Variants in DOC2B observed in about 807,000 individuals in gnomAD.
The protein encoded by DOC2B is double C2-like domain-containing protein beta.
In DOC2B, 21 loss-of-function variants were observed where a neutral mutation model predicts 28.9. That is an observed-to-expected ratio of 0.73 (90% CI 0.52 to 1.05). The LOEUF is 1.05. Ranked by LOEUF, DOC2B falls within the 50% of genes least tolerant of loss-of-function variation. The pLI is 0.00. For synonymous variants in DOC2B, 194 were observed against 178.1 expected (o/e 1.09, Z -0.71); for missense variants, 384 against 421.1 (o/e 0.91, Z 0.77).
rs138265386 is a variant in DOC2B, at chr17:165,241, G to A, written c.454-1037C>T. 5.1e-3 allele frequency among the ~76,000 whole-genome samples: 777 copies of A among 152,206 alleles called. 1 individual carries two copies. The highest frequency in any genetic ancestry group is 0.024 in the Middle Eastern group (7 of 294). ...TTAAAGGGGTTGGCCGGGCACGGTG[G>A]CTCACGCCTGTAATCCCAGCGCTTG... On this transcript the variant is annotated intron_variant, in intron 2 of 8. Transcript: ENST00000613549.
chr17:149,280 C>A, intron 6 of DOC2B, 88 bp from the exon 7 acceptor site: 1 of 398,608 alleles, frequency 2.5e-6, no homozygotes, highest in Non-Finnish European at 4.4e-6. Context: ...AGCTTTCTGT[C>A]CCTGGAGAGA....
At chr17:180,090 G>A (rs1299921282) in intron 1 of DOC2B, among the ~76,000 whole-genome samples, 1 of 152,262 alleles carries the variant, frequency 6.6e-6, no homozygotes, top group African/African-American at 2.4e-5. Flanking sequence ...CCTGGAGAAG[G>A]GCCACATCCC....
In DOC2B at chr17:181,016, A is replaced by C. The variant is rs1292248817; in HGVS notation, c.373+91T>G. On this transcript the variant is annotated intron_variant, in intron 1 of 8. Transcript: ENST00000613549. The surrounding 1 kb of genome is among the most constrained non-coding windows in gnomAD (Gnocchi z 7.0). Reference sequence around the variant, plus strand: ...AACCGAGGCAGAGCGCGAGCGCGCGAGGGGGACCGGCGGAGGGAAGCCGCG... The same window carrying C: ...AACCGAGGCAGAGCGCGAGCGCGCGCGGGGGACCGGCGGAGGGAAGCCGCG... The C allele has an allele frequency of 4.3e-5, 46 of 1,080,132 alleles. No homozygotes were observed. The highest frequency in any genetic ancestry group is 5.4e-5 in the Non-Finnish European group (46 of 857,286). The allele number at this position is 1,080,132 out of a possible 1,614,324, so 66.9% of individuals were successfully genotyped here. A position where few individuals can be genotyped will look rare whatever the true frequency, so the allele number is the denominator to read the frequency against.
intron 2 of DOC2B, among the ~76,000 whole-genome samples, chr17:170,218 G>T (rs1398155996): frequency 6.6e-6 from 1 of 152,196 alleles, no homozygotes; most frequent in South Asian, 2.1e-4. Context: ...TGCTCCTAGG[G>T]GTGGGCTGGA....
chr17:175,510 T>C lies in DOC2B; in HGVS notation c.374-2894A>G, dbSNP rs556043216. Among the ~76,000 whole-genome samples the C allele has an allele frequency of 1.9e-3, 283 of 152,366 alleles. 2 individuals carry two copies. Among genetic ancestry groups the C allele is most frequent in the African/African-American group, 6.2e-3 (257 of 41,596 alleles). ...TACATGATAGTAAATGGATCTGCTG[T>C]TCAGGTCAGGCCTACCTGGGGTTTG... is the stretch of plus-strand genomic sequence containing the variant. On this transcript the variant is annotated intron_variant, in intron 1 of 8. Transcript: ENST00000613549.
intron 3 of DOC2B, 141 bp from the exon 4 acceptor site, chr17:162,331 C>A: frequency 1.5e-6 from 1 of 679,336 alleles, no homozygotes; most frequent in South Asian, 1.7e-5. Flanking sequence ...TGCAGGTGGA[C>A]TTAGGGTTGG....
At position 152,647 on chromosome 17, in the gene DOC2B, C is replaced by G. The variant is rs376976645; in HGVS notation, c.924-3455G>C. On this transcript the variant is annotated intron_variant, in intron 6 of 8. Coordinates refer to ENST00000613549, the MANE Select transcript of DOC2B (RefSeq NM_003585.5). ...ACTAGCCAGGCGTGGTGGTGCACAC[C>G]TGTAGTCCCAGCTACTCAGGAGGCT... 9.9e-5 allele frequency among the ~76,000 whole-genome samples: 15 copies of G among 152,250 alleles called. No homozygotes were observed. In the East Asian group the frequency reaches 1.7e-3, roughly 18 times the overall value.
intron 2 of DOC2B, among the ~76,000 whole-genome samples, chr17:166,422 G>C (rs2040265401): frequency 6.6e-6 from 1 of 152,222 alleles, no homozygotes; most frequent in African/African-American, 2.4e-5. Context: ...CCCCAGCTTG[G>C]GAGTTGGCAA....
chr17:148,332 A>T (rs926579400), intron 7 of DOC2B, 63 bp from the exon 8 acceptor site: 293 of 398,458 alleles, frequency 7.4e-4, no homozygotes, highest in African/African-American at 5.6e-3. Context: ...GGGGGCCAGG[A>T]GGGGTATGAG....
intron 1 of DOC2B, among the ~76,000 whole-genome samples, chr17:177,270 C>G (rs1449383500): frequency 1.3e-5 from 2 of 152,120 alleles, no homozygotes; most frequent in Non-Finnish European, 2.9e-5. Context: ...CTTCATTCAT[C>G]TGCTTTAAAT....
intron 2 of DOC2B, among the ~76,000 whole-genome samples, chr17:172,305 TTCTCA>T (rs1341514541): frequency 6.6e-6 from 1 of 151,546 alleles, no homozygotes; most frequent in Non-Finnish European, 1.5e-5. Flanking sequence ...CATCTTCCCA[TTCTCA>T]TCTGTTTCTT....
chr17:175,019 C>T (rs753002034), intron 1 of DOC2B, among the ~76,000 whole-genome samples: 11 of 152,216 alleles, frequency 7.2e-5, no homozygotes, highest in Non-Finnish European at 1.6e-4. Context: ...ACGGGTGGAT[C>T]ACTTGAGCCC....
Position 181,257 on chromosome 17 carries a change from C to G in DOC2B, c.223G>C (p.Gly75Arg). The G allele has an allele frequency of 2.5e-6, 3 of 1,210,782 alleles. No homozygotes were observed. The highest frequency in any genetic ancestry group is 3.1e-6 in the Non-Finnish European group (3 of 974,756). 75.0% of individuals were successfully genotyped at this position (1,210,782 alleles called of 1,614,324 possible). A position where few individuals can be genotyped will look rare whatever the true frequency, so the allele number is the denominator to read the frequency against. Residue 75 changes from glycine to arginine, a missense_variant, in exon 1 of 9, where the codon GGC (glycine) becomes CGC (arginine). Gly to Arg is a moderately radical substitution (Grantham distance 125). Coordinates refer to ENST00000613549, the MANE Select transcript of DOC2B (RefSeq NM_003585.5). This position sits in a 1 kb window ranked among gnomAD's most constrained non-coding sequence, Gnocchi z 7.0. ...ACATCCTCGTCGTCCTCGCGGGCGC[C>G]GTCGGAGGGGCTGCGGCGGCCGGCA... ...AGAGRRSPSD[G>R]AREDDEDVDQ...
intron 2 of DOC2B, among the ~76,000 whole-genome samples, chr17:164,774 C>T (rs1555523696): frequency 6.6e-6 from 1 of 152,230 alleles, no homozygotes; most frequent in African/African-American, 2.4e-5. Context: ...CACGCGTGCA[C>T]AGCCAGAGGC....
chr17:149,440 C>T (rs989025147), intron 6 of DOC2B, among the ~76,000 whole-genome samples: 5 of 152,188 alleles, frequency 3.3e-5, no homozygotes, highest in Non-Finnish European at 7.3e-5. Flanking sequence ...CCCTGGGGGG[C>T]GCCCTCCATC....
At chr17:161,711 G>A (rs1467890272) in intron 4 of DOC2B, among the ~76,000 whole-genome samples, 170 bp from the exon 5 acceptor site, 4 of 152,210 alleles carry the variant, frequency 2.6e-5, no homozygotes, top group Admixed American at 2.0e-4. Flanking sequence ...AGTGTGGCAC[G>A]ATATCAGGCA....
chr17:157,775 T>C (rs2040152519), intron 5 of DOC2B, among the ~76,000 whole-genome samples: 1 of 152,190 alleles, frequency 6.6e-6, no homozygotes. Flanking sequence ...ACCTCAGGGC[T>C]GGGCAAGGCC....
At chr17:149,515 C>G (rs1425794552) in intron 6 of DOC2B, among the ~76,000 whole-genome samples, 2 of 152,252 alleles carry the variant, frequency 1.3e-5, no homozygotes, top group African/African-American at 4.8e-5. Context: ...ACATTTCCCA[C>G]CAGAACAGAG....
rs1283436032 is a variant in DOC2B at position 181,129 on chromosome 17, G to A, written c.351C>T (p.Asp117=). 2 of 1,253,226 alleles carry A rather than the reference G, an allele frequency of 1.6e-6. No homozygotes were observed. The highest frequency in any genetic ancestry group is 2.9e-5 in the South Asian group (1 of 33,948). 77.6% of individuals were successfully genotyped at this position (1,253,226 alleles called of 1,614,324 possible). Residue 117 remains aspartate, a synonymous_variant, in exon 1 of 9, where the codon GAC becomes GAT. Coordinates refer to ENST00000613549, the MANE Select transcript of DOC2B (RefSeq NM_003585.5). The surrounding 1 kb of genome is among the most constrained non-coding windows in gnomAD (Gnocchi z 7.0). The part of the protein sequence containing the change: ...AKPPEDEPDA[D]GYESDDCTAL... ...TACTGCAGTCGTCCGACTCGTAGCC[G>A]TCGGCGTCCGGCTCGTCCTCCGGCG...
Sources: gnomAD v4.1 joint callset for allele counts (sites outside exome capture counted in the v4.1 genomes callset) on GRCh38, gnomAD v4.1.1 for gene constraint, Gnocchi (gnomAD v3.1) non-coding constraint, MANE v1.5 for transcripts, NCBI Gene and HGNC (gene_info 2026-07-23, HGNC 2026-07-21) for gene names.